The following DYNC2I1 variants were observed in gnomAD, a reference collection of about 807,000 sequenced individuals.
DYNC2I1 encodes cytoplasmic dynein 2 intermediate chain 1.
DYNC2I1 carries 89 observed loss-of-function variants against 133.4 expected under a neutral mutation model. The ratio of observed to expected loss-of-function variants is 0.67; its 90% CI spans 0.56 to 0.80. DYNC2I1 has a LOEUF of 0.80. DYNC2I1 is among the 30% of genes least tolerant of loss of function. DYNC2I1 has a pLI of 0.00. For missense variants in DYNC2I1, 1,291 were observed against 1,314.5 expected, an observed-to-expected ratio of 0.98 and a Z score of 0.28; for synonymous variants, 504 against 484.3, an observed-to-expected ratio of 1.04 and a Z score of -0.54.
chr7:158,911,878 A>C (rs1407380487), intron 12 of DYNC2I1, among the ~76,000 whole-genome samples, 199 bp downstream of exon 12: 1 of 152,218 alleles, frequency 6.6e-6, no homozygotes, highest in Non-Finnish European at 1.5e-5. Flanking sequence ...AGCCGGAGGC[A>C]CTCCAGAGCC....
At chr7:158,916,127 T>C (rs1465975194) in intron 14 of DYNC2I1, among the ~76,000 whole-genome samples, 1 of 81,894 alleles carries the variant, frequency 1.2e-5, no homozygotes, top group Non-Finnish European at 3.1e-5. Flanking sequence ...TTAAGGATGA[T>C]TGTGAAACGT....
At position 158,911,459 on chromosome 7, in the gene DYNC2I1, A is replaced by G. The variant is rs528645196; in HGVS notation, c.1461-91A>G. The G allele has an allele frequency of 1.4e-5, 19 of 1,401,724 alleles. No individual in the cohort carries two copies. In the South Asian group the frequency reaches 2.5e-4, roughly 18 times the overall value. The allele number at this position is 1,401,724 out of a possible 1,614,324, so 86.8% of individuals were successfully genotyped here. A position where few individuals can be genotyped will look rare whatever the true frequency, so the allele number is the denominator to read the frequency against. On this transcript the variant is annotated intron_variant, in intron 11 of 24. Transcript: ENST00000407559. ...AGCTAGGTTTCTGACAATAACATGC[A>G]TTTAACTCTAAGTTTACTTCTGTTC...
intron 23 of DYNC2I1, among the ~76,000 whole-genome samples, chr7:158,939,300 G>T (rs578224931): frequency 6.6e-6 from 1 of 152,172 alleles, no homozygotes; most frequent in Admixed American, 6.5e-5. Context: ...GCTGGGTACA[G>T]TGGTGCCCAT....
At chr7:158,908,221 T>C (rs540433523) in intron 11 of DYNC2I1, among the ~76,000 whole-genome samples, 3 of 151,858 alleles carry the variant, frequency 2.0e-5, no homozygotes, top group East Asian at 3.9e-4. Flanking sequence ...AACTTGAAAT[T>C]TGAGGGAAAA....
chr7:158,856,961 C>T (rs1841312775), intron 1 of DYNC2I1, among the ~76,000 whole-genome samples: 1 of 152,042 alleles, frequency 6.6e-6, no homozygotes, highest in African/African-American at 2.4e-5. Flanking sequence ...CGCCGGGCTC[C>T]CGGCGGTCGG....
intron 7 of DYNC2I1, among the ~76,000 whole-genome samples, chr7:158,888,460 C>T (rs1206722919): frequency 1.3e-5 from 2 of 151,240 alleles, no homozygotes; most frequent in Non-Finnish European, 2.9e-5. Context: ...AATTTTGTGC[C>T]ATACATACAT....
intron 5 of DYNC2I1, among the ~76,000 whole-genome samples, chr7:158,884,196 C>T (rs996231754): frequency 5.3e-4 from 81 of 151,986 alleles, no homozygotes; most frequent in Admixed American, 8.5e-4. Flanking sequence ...AGGCGCCCGC[C>T]ACCACGCCCG....
intron 3 of DYNC2I1, among the ~76,000 whole-genome samples, chr7:158,876,069 A>G (rs1843327591): frequency 1.3e-5 from 2 of 152,214 alleles, no homozygotes; most frequent in South Asian, 4.1e-4. Context: ...GAATTTATAA[A>G]GAAAAGAGGT....
At chr7:158,909,906 C>T (rs1847223268) in intron 11 of DYNC2I1, among the ~76,000 whole-genome samples, 1 of 152,114 alleles carries the variant, frequency 6.6e-6, no homozygotes, top group Non-Finnish European at 1.5e-5. Context: ...TCCTGCAGGC[C>T]TGTGCTCTAG....
chr7:158,868,332 G>A (rs1005050557), intron 1 of DYNC2I1, among the ~76,000 whole-genome samples: 36 of 152,190 alleles, frequency 2.4e-4, no homozygotes, highest in South Asian at 6.2e-4. Context: ...GCTGGTGGTC[G>A]TGAGGCGCTG....
chr7:158,915,872 C>T (rs1440012001), intron 14 of DYNC2I1, among the ~76,000 whole-genome samples: 8 of 150,256 alleles, frequency 5.3e-5, no homozygotes, highest in East Asian at 1.9e-4. Flanking sequence ...GATTGTGAAA[C>T]GTCGACACGC....
chr7:158,955,487 G>C (rs1485602742), intron 4 of DYNC2I1, among the ~76,000 whole-genome samples: 1 of 152,196 alleles, frequency 6.6e-6, no homozygotes, highest in African/African-American at 2.4e-5. Flanking sequence ...TGGGGTAATA[G>C]CCTATAATTC....
At chr7:158,875,110 T>TTC (rs1186546515) in intron 3 of DYNC2I1, among the ~76,000 whole-genome samples, 1 of 150,574 alleles carries the variant, frequency 6.6e-6, no homozygotes, top group Non-Finnish European at 1.5e-5. Flanking sequence ...TTTTTTTTTT[T>TTC]TCTGAGAAGG....
chr7:158,879,641 A>C, intron 4 of DYNC2I1, 43 bp from the exon 5 acceptor site: 1 of 1,525,298 alleles, frequency 6.6e-7, no homozygotes, highest in Non-Finnish European at 8.8e-7. Context: ...CTGCACTCCT[A>C]TTTGATGTGC....
chr7:158,894,426 T>C (rs1845582602), intron 8 of DYNC2I1, among the ~76,000 whole-genome samples: 1 of 152,246 alleles, frequency 6.6e-6, no homozygotes, highest in African/African-American at 2.4e-5. Context: ...GCAGATTGTC[T>C]GTAGTTAGAA....
Position 158,913,053 on chromosome 7 carries a change from A to C in DYNC2I1, c.1659A>C (p.Glu553Asp), listed in dbSNP as rs1303250821. 3 of 1,613,528 alleles carry C rather than the reference A, an allele frequency of 1.9e-6. No homozygotes were observed. Among genetic ancestry groups the C allele is most frequent in the Non-Finnish European group, 2.5e-6 (3 of 1,179,706 alleles). Residue 553 changes from glutamate (E) to aspartate (D), a missense_variant, in exon 13 of 25, where the codon GAA becomes GAC. By Grantham distance (45) the Glu-to-Asp change is conservative. Transcript: ENST00000407559. ...AAACGGAGGAAATAGAGACCAGGGA[A>C]GTGTGGACCCAGCACCCGGGAGAAA... ...DIQTEEIETR[E>D]VWTQHPGEST...
At chr7:158,870,965 A>G (rs545267834) in intron 2 of DYNC2I1, among the ~76,000 whole-genome samples, 177 bp from the exon 3 acceptor site, 43 of 152,318 alleles carry the variant, frequency 2.8e-4, no homozygotes, top group African/African-American at 9.6e-4. Context: ...TTAGTGTTCT[A>G]AGAACATCCA....
intron 1 of DYNC2I1, among the ~76,000 whole-genome samples, chr7:158,860,065 T>TG (rs1841735904): frequency 6.6e-6 from 1 of 151,884 alleles, no homozygotes; most frequent in South Asian, 2.1e-4. Flanking sequence ...AGTTTTTTTT[T>TG]TTTTTTGGAG....
At chr7:158,840,249 A>C in the DYNC2I1 span, among the ~76,000 whole-genome samples, 1 of 142,174 alleles carries the variant, frequency 7.0e-6, no homozygotes, top group African/African-American at 2.6e-5. Context: ...CATTGTCTAC[A>C]AAAAAAAAAA....
Sources: gnomAD v4.1 joint callset for allele counts (sites outside exome capture counted in the v4.1 genomes callset) on GRCh38, gnomAD v4.1.1 for gene constraint, MANE v1.5 for transcripts, NCBI Gene and HGNC (gene_info 2026-07-23, HGNC 2026-07-21) for gene names.